The following DENND4A variants were observed in gnomAD, a reference collection of about 807,000 sequenced individuals.
DENND4A encodes DENN domain containing 4A.
DENND4A carries 70 observed loss-of-function variants against 199.3 expected under a neutral mutation model. That is an observed-to-expected ratio of 0.35 (90% CI 0.29 to 0.43). The LOEUF is 0.43. DENND4A is among the 20% of genes least tolerant of loss of function. The pLI is 1.00. For missense variants in DENND4A, 1,723 were observed against 2,255.8 expected (o/e 0.76, Z 4.78); for synonymous variants, 686 against 766.9 (o/e 0.89, Z 1.74).
chr15:65,670,304 A>G, intron 25 of DENND4A, 116 bp from the exon 26 acceptor site: 1 of 817,990 alleles, frequency 1.2e-6, no homozygotes, highest in Non-Finnish European at 1.8e-6. Context: ...TTCAGATGCT[A>G]TACACAAACA....
rs920021598 is a variant in DENND4A, at chr15:65,660,289, T to C, written c.*1562A>G. ...TCCATTATTTCCCAGAGTTGGAAGC[T>C]GTGAAATGTTTCAGCATGGTGCTAT... On this transcript the variant is annotated 3_prime_UTR_variant, in exon 33 of 33. Coordinates refer to ENST00000443035, the MANE Select transcript of DENND4A (RefSeq NM_001320835.1). 2 of 1,535,112 alleles carry C rather than the reference T, an allele frequency of 1.3e-6. No homozygotes were observed. The highest frequency in any genetic ancestry group is 2.7e-5 in the African/African-American group (2 of 73,054).
At chr15:65,752,716 G>T in intron 3 of DENND4A, 88 bp from the exon 4 acceptor site, 2 of 801,870 alleles carry the variant, frequency 2.5e-6, no homozygotes, top group Non-Finnish European at 3.8e-6. Flanking sequence ...ATCCTTAAAT[G>T]TAGTAGCATG....
Position 65,771,446 on chromosome 15 carries a change from G to A in DENND4A, c.-101-10008C>T, listed in dbSNP as rs571074803. On this transcript the variant is annotated intron_variant, in intron 1 of 32. Transcript: ENST00000443035. ...AACACCACCCAAGTTTTCTGTCTGC[G>A]TTTTAATAGTTTGCCCTGTTCCAGA... 33 of 1,599,762 alleles carry A rather than the reference G, an allele frequency of 2.1e-5. No individual in the cohort carries two copies. In the East Asian group the frequency reaches 2.7e-4, roughly 13 times the overall value.
chr15:65,712,390 T>A, intron 14 of DENND4A, among the ~76,000 whole-genome samples: 1 of 152,208 alleles, frequency 6.6e-6, no homozygotes, highest in Admixed American at 6.5e-5. Context: ...CATAATATTT[T>A]CTTTTTAGTT....
In DENND4A at chr15:65,701,119, A is replaced by G. The variant is rs1256099105; in HGVS notation, c.2633T>C (p.Val878Ala). 28 of 1,610,724 alleles carry G rather than the reference A, an allele frequency of 1.7e-5. No individual in the cohort carries two copies. The highest frequency in any genetic ancestry group is 2.3e-5 in the Non-Finnish European group (27 of 1,178,670). The change falls in exon 19 of 33, where the codon GTT becomes GCT. Residue 878 changes from valine (V) to alanine (A), a missense_variant. Around this residue, in one of 6 missense-constraint regions of DENND4A, gnomAD observed 650 missense variants for 738.1 expected, o/e 0.88. Transcript: ENST00000443035. ...TCTTTTGAACTGTGTTACTCCTAAAACAACATTTCTTACTTTTGTCCAAAG... is the reference window on the plus strand; with the variant it reads ...TCTTTTGAACTGTGTTACTCCTAAAGCAACATTTCTTACTTTTGTCCAAAG... ...YFLWTKVRNV[V>A]LGVTQFKRAL...
In DENND4A at chr15:65,706,210, C is replaced by T; in HGVS notation, c.1968G>A (p.Lys656=). The T allele has an allele frequency of 6.4e-7, 1 of 1,574,608 alleles. No homozygotes were observed. The highest frequency in any genetic ancestry group is 8.6e-7 in the Non-Finnish European group (1 of 1,160,154). ...DDCVDKVDMD[K]SGEVRLIELD... is the part of the protein sequence containing the mutation. ...GTTCTATAAGTCGTACTTCACCGCT[C>T]TTGTCCATATCCACCTAAAGGAGTT... Residue 656 remains lysine (K), a synonymous_variant, in exon 15 of 33, where the codon AAG becomes AAA. Transcript: ENST00000443035.
intron 15 of DENND4A, among the ~76,000 whole-genome samples, chr15:65,704,015 A>G (rs956513780): frequency 3.3e-5 from 5 of 152,188 alleles, no homozygotes; most frequent in Admixed American, 1.3e-4. Context: ...AGGGTAGACA[A>G]TATTTTTTAC....
chr15:65,766,107 C>T (rs1048716855), intron 1 of DENND4A, among the ~76,000 whole-genome samples: 1 of 151,856 alleles, frequency 6.6e-6, no homozygotes, highest in Non-Finnish European at 1.5e-5. Flanking sequence ...AAAAATTAGC[C>T]GGATATGGTG....
At chr15:65,735,957 G>A (rs1462523748) in intron 7 of DENND4A, among the ~76,000 whole-genome samples, 1 of 152,094 alleles carries the variant, frequency 6.6e-6, no homozygotes, top group Non-Finnish European at 1.5e-5. Flanking sequence ...CAAGCATGGT[G>A]GCACACGCCT....
chr15:65,784,490 G>A (rs2077516247), intron 1 of DENND4A, among the ~76,000 whole-genome samples: 1 of 151,698 alleles, frequency 6.6e-6, no homozygotes, highest in Non-Finnish European at 1.5e-5. Context: ...TGGGTGCAAG[G>A]TATACCTTAA....
chr15:65,785,190 C>T (rs2077534845), intron 1 of DENND4A, among the ~76,000 whole-genome samples: 1 of 150,700 alleles, frequency 6.6e-6, no homozygotes, highest in East Asian at 1.9e-4. Flanking sequence ...AAATGAAAGC[C>T]GAAATACAAA....
At chr15:65,736,435 T>TA (rs1296723808) in intron 7 of DENND4A, among the ~76,000 whole-genome samples, 3 of 151,364 alleles carry the variant, frequency 2.0e-5, no homozygotes, top group African/African-American at 7.3e-5. Flanking sequence ...TTTGTATTTT[T>TA]TTTTTTTTTT....
At chr15:65,746,176 A>G (rs2076384654) in intron 4 of DENND4A, among the ~76,000 whole-genome samples, 1 of 151,804 alleles carries the variant, frequency 6.6e-6, no homozygotes, top group South Asian at 2.1e-4. Context: ...GCATTTTCCA[A>G]ATTTTTTTAC....
chr15:65,722,840 C>T lies in DENND4A; in HGVS notation c.1588+8G>A. 1 of 1,577,696 alleles carries T rather than the reference C, an allele frequency of 6.3e-7. No individual in the cohort carries two copies. The highest frequency in any genetic ancestry group is 2.3e-5 in the East Asian group (1 of 43,014). ...AAATTACCTCCTTTAATTAAGTTAT[C>T]CACTTACATTTTGCCAATTGCTGAT... On this transcript the variant is annotated splice_region_variant and intron_variant, in intron 12 of 32. Coordinates refer to ENST00000443035, the MANE Select transcript of DENND4A (RefSeq NM_001320835.1).
rs1314265943 is a variant in DENND4A at position 65,661,258 on chromosome 15, T to G, written c.*593A>C. ...TCCCAAGTAATAAAAAATATATATA[T>G]AGATAGATATACACAGAGAGATCTG... On this transcript the variant is annotated 3_prime_UTR_variant, in exon 33 of 33. Transcript: ENST00000443035. The G allele has an allele frequency of 6.6e-6, 1 of 152,108 alleles. No individual in the cohort carries two copies. Among genetic ancestry groups the G allele is most frequent in the East Asian group, 1.9e-4 (1 of 5,200 alleles). 9.4% of individuals were successfully genotyped at this position (152,108 alleles called of 1,614,324 possible).
intron 11 of DENND4A, among the ~76,000 whole-genome samples, chr15:65,728,477 TTTTC>T (rs1279583264): frequency 2.1e-5 from 3 of 146,086 alleles, no homozygotes; most frequent in Admixed American, 1.3e-4. Flanking sequence ...CTTTTTCTTT[TTTTC>T]TTTTTCTTTT....
chr15:65,660,962 A>G lies in DENND4A; in HGVS notation c.*889T>C, dbSNP rs1487776955. On this transcript the variant is annotated 3_prime_UTR_variant, in exon 33 of 33. Coordinates refer to ENST00000443035, the MANE Select transcript of DENND4A (RefSeq NM_001320835.1). ...ACTTGTCTGCATATTTCCCAATGTAAGTTTTCATGTAGAATATTAAAATTT... is the reference window on the plus strand; with the variant it reads ...ACTTGTCTGCATATTTCCCAATGTAGGTTTTCATGTAGAATATTAAAATTT... 3.3e-5 allele frequency: 5 copies of G among 152,166 alleles called. No individual in the cohort carries two copies. The highest frequency in any genetic ancestry group is 7.3e-5 in the Non-Finnish European group (5 of 68,030). 9.4% of individuals were successfully genotyped at this position (152,166 alleles called of 1,614,324 possible).
chr15:65,781,549 T>TGA (rs145774090), intron 1 of DENND4A, among the ~76,000 whole-genome samples: 9 of 151,664 alleles, frequency 5.9e-5, no homozygotes, highest in Non-Finnish European at 1.2e-4. Context: ...ATGTAAGGAA[T>TGA]GAGAGAGAGA....
chr15:65,730,757 C>T lies in DENND4A; in HGVS notation c.1166+885G>A, dbSNP rs965786588. Among the ~76,000 whole-genome samples, 3 of 151,730 alleles carry T rather than the reference C, an allele frequency of 2.0e-5. No homozygotes were observed. The East Asian group carries it at 5.8e-4, about 29-fold the overall frequency. On this transcript the variant is annotated intron_variant, in intron 9 of 32. Transcript: ENST00000443035. ...GGGAGGAATTAAGGAGGTTAACTGCCGAAGGGTAAAGAGTTTCTTTTTAGG... is the reference window on the plus strand; with the variant it reads ...GGGAGGAATTAAGGAGGTTAACTGCTGAAGGGTAAAGAGTTTCTTTTTAGG...
Sources: allele counts gnomAD v4.1 joint callset (sites outside exome capture counted in the v4.1 genomes callset), GRCh38; gene constraint gnomAD v4.1.1; regional missense constraint gnomAD v4.1.1; transcripts MANE v1.5; gene names NCBI Gene and HGNC (gene_info 2026-07-23, HGNC 2026-07-21).